Variants in SCARB2 observed in about 807,000 individuals in gnomAD.
SCARB2 encodes the protein lysosome membrane protein 2.
In SCARB2, 29 loss-of-function variants were observed where a neutral mutation model predicts 58.6. That is an observed-to-expected ratio of 0.49 (90% CI 0.37 to 0.67). SCARB2 has a LOEUF of 0.67. SCARB2 is among the 30% of genes least tolerant of loss of function. SCARB2 has a pLI of 0.00. For synonymous variants in SCARB2, 195 were observed against 210.1 expected, an observed-to-expected ratio of 0.93 and a Z score of 0.62; for missense variants, 488 against 578.5, an observed-to-expected ratio of 0.84 and a Z score of 1.60.
At chr4:76,198,946 C>T (rs1171674381) in intron 1 of SCARB2, among the ~76,000 whole-genome samples, 6 of 151,904 alleles carry the variant, frequency 3.9e-5, no homozygotes, top group African/African-American at 1.5e-4. Flanking sequence ...AATACAGCTG[C>T]TAACATTTCT....
At position 76,223,989 on chromosome 4, in the gene SCARB2, T is replaced by C. The variant is rs540258402; in HGVS notation, c.-358+10314A>G. On this transcript the variant is annotated intron_variant, in intron 1 of 11. Coordinates refer to the SCARB2 transcript ENST00000638295. ...AGGTTCTGATGATGTTGGGGGAATG[T>C]AATTAAAAATAAAATCTCCTGCCAA... is the stretch of plus-strand genomic sequence containing the variant. 9.8e-5 allele frequency among the ~76,000 whole-genome samples: 15 copies of C among 152,286 alleles called. No individual in the cohort carries two copies. In the South Asian group the frequency reaches 3.1e-3, roughly 32 times the overall value.
intron 4 of SCARB2, among the ~76,000 whole-genome samples, chr4:76,178,493 T>C (rs113105018): frequency 7.2e-5 from 11 of 152,322 alleles, no homozygotes; most frequent in Non-Finnish European, 1.3e-4. Flanking sequence ...GGCTGATGGA[T>C]TGAAGCCACT....
chr4:76,180,159 G>C lies in SCARB2; in HGVS notation c.424-454C>G, dbSNP rs1650820079. 3 of 209,096 alleles carry C rather than the reference G, an allele frequency of 1.4e-5. No homozygotes were observed. In the South Asian group the frequency reaches 2.5e-4, roughly 17 times the overall value. The allele number at this position is 209,096 out of a possible 1,614,324, so 13.0% of individuals were successfully genotyped here. On this transcript the variant is annotated intron_variant, in intron 3 of 11. Coordinates refer to ENST00000264896, the MANE Select transcript of SCARB2 (RefSeq NM_005506.4). ...CTGCATATGGAGCGGTCACCTAGGG[G>C]TTAGGGTGGGAGAGTCGGCAGGGGT...
intron 1 of SCARB2, among the ~76,000 whole-genome samples, chr4:76,219,127 T>C (rs1733265200): frequency 6.6e-6 from 1 of 151,770 alleles, no homozygotes; most frequent in African/African-American, 2.4e-5. Flanking sequence ...TTATTAAGAG[T>C]AAAAGGAAAG....
intron 7 of SCARB2, chr4:76,173,431 A>G (rs1365923228): frequency 6.5e-6 from 1 of 152,758 alleles, no homozygotes. Context: ...CCTGGGTTCA[A>G]GCAATCTCTC....
chr4:76,200,548 T>C (rs1399701343), intron 1 of SCARB2, among the ~76,000 whole-genome samples: 1 of 152,234 alleles, frequency 6.6e-6, no homozygotes, highest in Non-Finnish European at 1.5e-5. Context: ...GACTATGCCC[T>C]GCAAACAGGC....
chr4:76,233,264 AGTTCCATGT>A (rs1214273128), intron 1 of SCARB2, among the ~76,000 whole-genome samples: 2 of 147,696 alleles, frequency 1.4e-5, no homozygotes, highest in African/African-American at 2.5e-5. Flanking sequence ...GGGTGTGGTT[AGTTCCATGT>A]GTCCCCAGGC....
At chr4:76,216,809 T>C (rs763347765), upstream of SCARB2, among the ~76,000 whole-genome samples, 34 of 152,218 alleles carry the variant, frequency 2.2e-4, no homozygotes, top group Non-Finnish European at 3.8e-4. Flanking sequence ...TTTTTAAATG[T>C]GTTAACATAA....
At chr4:76,206,259 C>T (rs1271088372) in intron 1 of SCARB2, among the ~76,000 whole-genome samples, 2 of 152,110 alleles carry the variant, frequency 1.3e-5, no homozygotes, top group African/African-American at 4.8e-5. Flanking sequence ...TGTTTATAAG[C>T]CACCCAGTCT....
intron 2 of SCARB2, chr4:76,194,187 G>A (rs947265199): frequency 6.6e-6 from 1 of 152,258 alleles, no homozygotes; most frequent in Non-Finnish European, 1.5e-5. Context: ...AGCAGAGCCA[G>A]TGTGCCATGT....
At chr4:76,166,454 C>T (rs890467672) in intron 9 of SCARB2, 153 bp from the exon 10 acceptor site, 4 of 770,468 alleles carry the variant, frequency 5.2e-6, no homozygotes, top group South Asian at 4.5e-5. Context: ...CAAACATGTA[C>T]CCCAAAAGTT....
chr4:76,181,119 G>C lies in SCARB2; in HGVS notation c.276-18C>G. ...TGAGTTCCCTAAAAGAAAGAAAAGG[G>C]TTTTATTTGAAAATAGACACCACTT... On this transcript the variant is annotated intron_variant, in intron 2 of 11. Coordinates refer to ENST00000264896, the MANE Select transcript of SCARB2 (RefSeq NM_005506.4). 1 of 1,611,282 alleles carries C rather than the reference G, an allele frequency of 6.2e-7. No homozygotes were observed. The highest frequency in any genetic ancestry group is 1.1e-5 in the South Asian group (1 of 90,826).
chr4:76,172,975 C>A (rs180707322), intron 7 of SCARB2: 1 of 152,212 alleles, frequency 6.6e-6, no homozygotes, highest in African/African-American at 2.4e-5. Flanking sequence ...CTGAGTTCCG[C>A]CAGGGATCTG....
intron 1 of SCARB2, among the ~76,000 whole-genome samples, chr4:76,233,115 C>G (rs1733521018): frequency 6.6e-6 from 1 of 152,196 alleles, no homozygotes; most frequent in African/African-American, 2.4e-5. Context: ...TTCTTACACA[C>G]CTTGCATGTA....
chr4:76,174,279 C>T lies in SCARB2; in HGVS notation c.859G>A (p.Val287Ile). 6.2e-7 allele frequency: 1 copy of T among 1,614,162 alleles called. No individual in the cohort carries two copies. Among genetic ancestry groups the T allele is most frequent in the Non-Finnish European group, 8.5e-7 (1 of 1,180,006 alleles). ...TACCGAAAGGCAGGCAGTCCCTGTA[C>T]ACTCTCATAGTCACTGAAAGTAATA... ...VYITFSDYES[V>I]QGLPAFRYKV... Residue 287 changes from valine to isoleucine, a missense_variant, in exon 7 of 12, where the codon GTA becomes ATA. By Grantham distance (29) the Val-to-Ile change is conservative. Transcript: ENST00000264896.
At chr4:76,185,392 G>A (rs1033650974) in intron 2 of SCARB2, among the ~76,000 whole-genome samples, 3 of 152,170 alleles carry the variant, frequency 2.0e-5, no homozygotes, top group African/African-American at 7.2e-5. Flanking sequence ...TTTCAGCCTA[G>A]GCAATTAATC....
chr4:76,230,283 C>T (rs1029223734), intron 1 of SCARB2, among the ~76,000 whole-genome samples: 2 of 152,058 alleles, frequency 1.3e-5, no homozygotes, highest in African/African-American at 4.8e-5. Context: ...ACCTCTCTCA[C>T]TAAGAAAGTG....
Position 76,180,894 on chromosome 4 carries a change from T to TA in SCARB2, c.423+59dup. ...CTAAATGTAAAATCATAAAGAGCAT[T>TA]AACTTAGCTTTTTCCTTTCTTCCAA... On this transcript the variant is annotated intron_variant, in intron 3 of 11. Coordinates refer to ENST00000264896, the MANE Select transcript of SCARB2 (RefSeq NM_005506.4). 2.0e-6 allele frequency: 3 copies of TA among 1,463,596 alleles called. No homozygotes were observed. In the Admixed American group the frequency reaches 5.5e-5, roughly 27 times the overall value. 90.7% of individuals were successfully genotyped at this position (1,463,596 alleles called of 1,614,324 possible). A position where few individuals can be genotyped will look rare whatever the true frequency, so the allele number is the denominator to read the frequency against.
chr4:76,232,695 A>C (rs1733514246), intron 1 of SCARB2, among the ~76,000 whole-genome samples: 1 of 152,210 alleles, frequency 6.6e-6, no homozygotes, highest in Admixed American at 6.5e-5. Context: ...AGACATGTCA[A>C]ATCATCTCGT....
Sources: allele counts gnomAD v4.1 joint callset (sites outside exome capture counted in the v4.1 genomes callset), GRCh38; gene constraint gnomAD v4.1.1; transcripts MANE v1.5; gene names NCBI Gene and HGNC (gene_info 2026-07-23, HGNC 2026-07-21).